Variants in CAMK4 observed in about 807,000 individuals in gnomAD.
The protein encoded by CAMK4 is calcium/calmodulin dependent protein kinase IV.
A neutral mutation model predicts 44.9 loss-of-function variants in CAMK4; 22 were observed. That is an observed-to-expected ratio of 0.49 (90% CI 0.35 to 0.70). The LOEUF (loss-of-function observed/expected upper bound fraction) is 0.70, where lower values mean the gene tolerates loss of function less well. CAMK4 is among the 30% of genes least tolerant of loss of function. CAMK4 has a pLI of 0.01. For synonymous variants in CAMK4, 218 were observed against 215.4 expected, an observed-to-expected ratio of 1.01 and a Z score of -0.11; for missense variants, 498 against 586.8, an observed-to-expected ratio of 0.85 and a Z score of 1.56.
intron 1 of CAMK4, among the ~76,000 whole-genome samples, chr5:111,281,775 T>C (rs1050743266): frequency 1.3e-5 from 2 of 152,336 alleles, no homozygotes; most frequent in East Asian, 1.9e-4. Context: ...TTTTCTGGAA[T>C]TGGCCGGGCG....
chr5:111,296,922 A>T (rs1243200084), intron 1 of CAMK4, among the ~76,000 whole-genome samples: 4 of 152,240 alleles, frequency 2.6e-5, no homozygotes, highest in Admixed American at 1.3e-4. Flanking sequence ...AATCAAGAAA[A>T]TGGTTTTATG....
At chr5:111,252,459 C>A (rs1462775813) in intron 1 of CAMK4, among the ~76,000 whole-genome samples, 1 of 152,148 alleles carries the variant, frequency 6.6e-6, no homozygotes, top group African/African-American at 2.4e-5. Flanking sequence ...TACATATTTT[C>A]TATAGATCCT....
chr5:111,431,377 C>T (rs1285976454), intron 5 of CAMK4, among the ~76,000 whole-genome samples: 1 of 152,138 alleles, frequency 6.6e-6, no homozygotes, highest in Non-Finnish European at 1.5e-5. Flanking sequence ...GGATTAAAGA[C>T]TTAAACCTAC....
intron 9 of CAMK4, 27 bp downstream of exon 9, chr5:111,478,534 C>T (rs1484723664): frequency 7.6e-7 from 1 of 1,314,090 alleles, no homozygotes. Context: ...CAAAATGAAA[C>T]AAAATGAAAT....
At chr5:111,339,288 C>A (rs1376116939) in intron 1 of CAMK4, among the ~76,000 whole-genome samples, 2 of 151,038 alleles carry the variant, frequency 1.3e-5, no homozygotes, top group Non-Finnish European at 3.0e-5. Flanking sequence ...AGGTCATATC[C>A]AAAAAATTAT....
chr5:111,317,625 A>G (rs1417210757), intron 1 of CAMK4, among the ~76,000 whole-genome samples: 1 of 152,136 alleles, frequency 6.6e-6, no homozygotes, highest in Non-Finnish European at 1.5e-5. Flanking sequence ...GATAAAGCAT[A>G]TGTGATTATG....
At chr5:111,279,526 C>A (rs1439998887) in intron 1 of CAMK4, among the ~76,000 whole-genome samples, 2 of 152,122 alleles carry the variant, frequency 1.3e-5, no homozygotes, top group Non-Finnish European at 2.9e-5. Flanking sequence ...GATCTTTTTC[C>A]TTCATATGAT....
At chr5:111,464,588 A>G (rs1754758302) in intron 7 of CAMK4, among the ~76,000 whole-genome samples, 1 of 152,184 alleles carries the variant, frequency 6.6e-6, no homozygotes, top group Non-Finnish European at 1.5e-5. Flanking sequence ...CATGTATTCT[A>G]TGGAAGTGGG....
chr5:111,325,514 G>A (rs537672716), intron 1 of CAMK4, among the ~76,000 whole-genome samples: 75 of 151,872 alleles, frequency 4.9e-4, no homozygotes, highest in African/African-American at 1.8e-3. Flanking sequence ...CCACAGCCTC[G>A]CTAGCATCTG....
intron 5 of CAMK4, among the ~76,000 whole-genome samples, chr5:111,416,823 A>G (rs575231031): frequency 6.6e-6 from 1 of 152,210 alleles, no homozygotes; most frequent in Non-Finnish European, 1.5e-5. Context: ...TATTAATACC[A>G]TAATACTAAT....
chr5:111,345,312 T>C (rs1217336987), intron 2 of CAMK4, among the ~76,000 whole-genome samples: 2 of 151,974 alleles, frequency 1.3e-5, no homozygotes, highest in Non-Finnish European at 2.9e-5. Context: ...CTGAATTTTC[T>C]GTTTGGTGTA....
intron 6 of CAMK4, among the ~76,000 whole-genome samples, chr5:111,447,379 A>T (rs1754066387): frequency 6.6e-6 from 1 of 152,170 alleles, no homozygotes; most frequent in African/African-American, 2.4e-5. Flanking sequence ...GTTAAACAAG[A>T]TTTGTATTTC....
At chr5:111,348,480 A>G (rs1749959404) in intron 2 of CAMK4, among the ~76,000 whole-genome samples, 1 of 152,004 alleles carries the variant, frequency 6.6e-6, no homozygotes, top group Non-Finnish European at 1.5e-5. Flanking sequence ...GGTAATTATA[A>G]CATGAGACAT....
intron 1 of CAMK4, among the ~76,000 whole-genome samples, chr5:111,313,299 C>T (rs1748287603): frequency 6.6e-6 from 1 of 152,128 alleles, no homozygotes; most frequent in African/African-American, 2.4e-5. Flanking sequence ...TGAATGTTCT[C>T]ACTGTTCTTT....
At chr5:111,231,468 A>G (rs1274397109) in intron 1 of CAMK4, among the ~76,000 whole-genome samples, 5 of 152,188 alleles carry the variant, frequency 3.3e-5, no homozygotes, top group Admixed American at 6.5e-5. Flanking sequence ...CTGTCTCTAA[A>G]CATTGTCAAA....
chr5:111,419,783 G>C (rs1053029736), intron 5 of CAMK4, among the ~76,000 whole-genome samples: 3 of 152,054 alleles, frequency 2.0e-5, no homozygotes, highest in African/African-American at 7.2e-5. Flanking sequence ...TGAGGGCTCT[G>C]TTCTGTTCCA....
intron 1 of CAMK4, among the ~76,000 whole-genome samples, chr5:111,242,051 C>A (rs531982684): frequency 2.0e-5 from 3 of 152,190 alleles, no homozygotes; most frequent in Admixed American, 2.0e-4. Context: ...GCAACTTTGA[C>A]ACAGGCTATT....
At chr5:111,404,953 T>G (rs1472697033) in intron 5 of CAMK4, among the ~76,000 whole-genome samples, 1 of 152,160 alleles carries the variant, frequency 6.6e-6, no homozygotes, top group East Asian at 1.9e-4. Flanking sequence ...AATTACTGAT[T>G]CCCTAGTTTA....
intron 1 of CAMK4, among the ~76,000 whole-genome samples, chr5:111,249,107 T>C (rs2112536295): frequency 6.6e-6 from 1 of 152,336 alleles, no homozygotes; most frequent in East Asian, 1.9e-4. Flanking sequence ...CCATTTTGAT[T>C]GAATTCAACC....
Sources: gnomAD v4.1 joint callset for allele counts (sites outside exome capture counted in the v4.1 genomes callset) on GRCh38, gnomAD v4.1.1 for gene constraint, MANE v1.5 for transcripts, NCBI Gene and HGNC (gene_info 2026-07-23, HGNC 2026-07-21) for gene names.